PRKG1: variants seen among roughly 807,000 people sequenced by gnomAD.
PRKG1 encodes the protein protein kinase cGMP-dependent 1.
PRKG1 carries 35 observed loss-of-function variants against 88.1 expected under a neutral mutation model. That is an observed-to-expected ratio of 0.40 (90% confidence interval 0.30 to 0.53). The LOEUF (loss-of-function observed/expected upper bound fraction) is 0.53, where lower values mean the gene tolerates loss of function less well. Ranked by LOEUF, PRKG1 falls within the 20% of genes least tolerant of loss-of-function variation. PRKG1 has a pLI of 0.59. For synonymous variants in PRKG1, 303 were observed against 292.5 expected (o/e 1.04, Z -0.37); for missense variants, 540 against 839.8 (o/e 0.64, Z 4.41).
intron 4 of PRKG1, among the ~76,000 whole-genome samples, chr10:51,867,993 T>G (rs1318636819): frequency 6.6e-6 from 1 of 152,158 alleles, no homozygotes; most frequent in East Asian, 1.9e-4. Flanking sequence ...GTTTTGTCTG[T>G]CATCACTTAC....
At chr10:51,570,759 TGTATAGG>T (rs1837731856) in intron 3 of PRKG1, among the ~76,000 whole-genome samples, 1 of 151,872 alleles carries the variant, frequency 6.6e-6, no homozygotes, top group Admixed American at 6.6e-5. Context: ...TAAAAATTGA[TGTATAGG>T]GTGTGAAAAT....
chr10:51,593,973 C>T (rs1250340811), intron 3 of PRKG1, among the ~76,000 whole-genome samples: 2 of 152,046 alleles, frequency 1.3e-5, no homozygotes, highest in African/African-American at 2.4e-5. Flanking sequence ...AATCTACCCG[C>T]CCTTGGCCTC....
At chr10:51,178,905 A>T (rs920496663) in intron 2 of PRKG1, among the ~76,000 whole-genome samples, 1 of 152,252 alleles carries the variant, frequency 6.6e-6, no homozygotes, top group African/African-American at 2.4e-5. Context: ...AACCAATATA[A>T]CATTTGTATG....
At chr10:51,697,906 T>A (rs751080325) in intron 3 of PRKG1, 11 of 1,602,454 alleles carry the variant, frequency 6.9e-6, no homozygotes, top group Non-Finnish European at 8.5e-6. Context: ...TTGCCCCCTG[T>A]ATACCTCCTC....
chr10:52,176,199 GGTGAGAGGTGGAAGTCTA>G (rs1449157369), intron 9 of PRKG1, among the ~76,000 whole-genome samples: 2 of 136,462 alleles, frequency 1.5e-5, no homozygotes, highest in Non-Finnish European at 3.1e-5. Context: ...TTTTTTGTAG[GGTGAGAGGTGGAAGTCTA>G]GTTTCATTCT....
intron 9 of PRKG1, among the ~76,000 whole-genome samples, chr10:52,179,829 C>T (rs567343538): frequency 1.3e-5 from 2 of 152,288 alleles, no homozygotes; most frequent in Admixed American, 6.5e-5. Context: ...GCTGGGATTA[C>T]AGGCACTGCC....
At chr10:52,084,115 A>G (rs1232746108) in intron 7 of PRKG1, among the ~76,000 whole-genome samples, 1 of 152,054 alleles carries the variant, frequency 6.6e-6, no homozygotes. Flanking sequence ...TGCTCATAAG[A>G]TAGCCCAACT....
chr10:51,148,874 T>C (rs1288834698), intron 1 of PRKG1, among the ~76,000 whole-genome samples: 1 of 152,208 alleles, frequency 6.6e-6, no homozygotes, highest in East Asian at 1.9e-4. Context: ...TTATTCTTTA[T>C]GTCTGTTATA....
chr10:51,195,034 G>A (rs946799260), intron 2 of PRKG1, among the ~76,000 whole-genome samples: 5 of 152,194 alleles, frequency 3.3e-5, no homozygotes, highest in African/African-American at 7.2e-5. Flanking sequence ...GGAGGGACAC[G>A]TTCAAACCGT....
chr10:51,947,843 G>C (rs1843086890), intron 5 of PRKG1, among the ~76,000 whole-genome samples: 1 of 151,804 alleles, frequency 6.6e-6, no homozygotes, highest in Admixed American at 6.6e-5. Context: ...ACTTCATCCA[G>C]TGAATATGAG....
intron 5 of PRKG1, among the ~76,000 whole-genome samples, chr10:52,046,545 A>G (rs1477084203): frequency 2.0e-5 from 3 of 152,174 alleles, no homozygotes; most frequent in Non-Finnish European, 4.4e-5. Context: ...GTGTTTTGTT[A>G]TTATTAACTC....
intron 1 of PRKG1, among the ~76,000 whole-genome samples, chr10:51,076,372 G>T (rs1351651149): frequency 1.3e-5 from 2 of 152,148 alleles, no homozygotes; most frequent in African/African-American, 4.8e-5. Flanking sequence ...AACTTTCTCT[G>T]GTAAATTAAT....
chr10:51,336,170 T>G (rs920564915), intron 2 of PRKG1, among the ~76,000 whole-genome samples: 6 of 151,922 alleles, frequency 3.9e-5, no homozygotes, highest in Non-Finnish European at 7.4e-5. Flanking sequence ...CTGGCCAACA[T>G]GGAGAAACCC....
chr10:51,891,793 T>C (rs1313832949), intron 4 of PRKG1, among the ~76,000 whole-genome samples: 1 of 152,182 alleles, frequency 6.6e-6, no homozygotes, highest in Non-Finnish European at 1.5e-5. Flanking sequence ...TATATTTCAA[T>C]AAAATTTGAT....
intron 14 of PRKG1, among the ~76,000 whole-genome samples, chr10:52,285,922 T>G (rs1842107298): frequency 6.6e-6 from 1 of 151,970 alleles, no homozygotes; most frequent in Non-Finnish European, 1.5e-5. Flanking sequence ...TACATAGATA[T>G]GATTTCAGAA....
chr10:51,441,029 G>A (rs528495877), intron 2 of PRKG1, among the ~76,000 whole-genome samples: 1 of 152,062 alleles, frequency 6.6e-6, no homozygotes, highest in African/African-American at 2.4e-5. Context: ...ACAAATGAAA[G>A]CCAACATTGG....
intron 2 of PRKG1, among the ~76,000 whole-genome samples, chr10:51,292,111 T>G (rs1480875475): frequency 1.3e-5 from 2 of 152,174 alleles, no homozygotes; most frequent in African/African-American, 4.8e-5. Flanking sequence ...TGCCATATTG[T>G]GAAACAGTGG....
Position 52,062,798 on chromosome 10 carries a change from A to C in PRKG1, c.935+167A>C, listed in dbSNP as rs539556839. The C allele has an allele frequency of 9.1e-5, 66 of 727,616 alleles. No homozygotes were observed. In the African/African-American group the frequency reaches 9.5e-4, roughly 10 times the overall value. The allele number at this position is 727,616 out of a possible 1,614,324, so 45.1% of individuals were successfully genotyped here. On this transcript the variant is annotated intron_variant, in intron 7 of 17. Coordinates refer to ENST00000373980, the MANE Select transcript of PRKG1 (RefSeq NM_006258.4). ...TTTATTTATTTTCAGCTGGACTTGG[A>C]ATCTGTTTGAATACGTTGTGGAATA...
intron 8 of PRKG1, among the ~76,000 whole-genome samples, chr10:52,144,185 C>A (rs1322552348): frequency 6.6e-6 from 1 of 151,978 alleles, no homozygotes; most frequent in Non-Finnish European, 1.5e-5. Flanking sequence ...TTTAGAAAGA[C>A]CTTTGTACAG....
Sources: gnomAD v4.1 joint callset for allele counts (sites outside exome capture counted in the v4.1 genomes callset) on GRCh38, gnomAD v4.1.1 for gene constraint, MANE v1.5 for transcripts, NCBI Gene and HGNC (gene_info 2026-07-23, HGNC 2026-07-21) for gene names.